EYA4: variants seen among roughly 807,000 people sequenced by gnomAD.
EYA4 encodes EYA transcriptional coactivator and phosphatase 4, also known as protein phosphatase EYA4.
EYA4 carries 31 observed loss-of-function variants against 87.9 expected under a neutral mutation model. The observed-to-expected ratio is 0.35, with a 90% CI of 0.27 to 0.48. The LOEUF is 0.48. EYA4 is among the 20% of genes least tolerant of loss of function. EYA4 has a pLI of 0.99. For synonymous variants in EYA4, 263 were observed against 270.6 expected (o/e 0.97, Z 0.28); for missense variants, 678 against 761.4 (o/e 0.89, Z 1.29).
At chr6:133,476,735 C>T (rs1402235436) in intron 11 of EYA4, among the ~76,000 whole-genome samples, 7 of 152,068 alleles carry the variant, frequency 4.6e-5, no homozygotes, top group Non-Finnish European at 1.0e-4. Context: ...ATCTCTTCAA[C>T]ATACTGATTT....
intron 10 of EYA4, among the ~76,000 whole-genome samples, 193 bp downstream of exon 10, chr6:133,465,051 T>A (rs2128665606): frequency 6.6e-6 from 1 of 152,276 alleles, no homozygotes; most frequent in South Asian, 2.1e-4. Context: ...CTATTTTAGA[T>A]TTTTTGATTG....
chr6:133,269,987 A>G (rs1190187310), intron 1 of EYA4, among the ~76,000 whole-genome samples: 2 of 152,170 alleles, frequency 1.3e-5, no homozygotes, highest in Admixed American at 6.5e-5. Context: ...GGAGAAAGAT[A>G]TAGGCTGGGA....
At chr6:133,294,023 T>TTTTATATATATATA (rs1436598260) in intron 2 of EYA4, among the ~76,000 whole-genome samples, 1 of 78,780 alleles carries the variant, frequency 1.3e-5, no homozygotes, top group African/African-American at 5.2e-5. Context: ...TAGGGTGATT[T>TTTTATATATATATA]TATATATATA....
chr6:133,374,655 A>G (rs1785535847), intron 2 of EYA4, among the ~76,000 whole-genome samples: 1 of 151,972 alleles, frequency 6.6e-6, no homozygotes. Context: ...TTCATAGTCA[A>G]TAAATGGTGA....
At chr6:133,382,018 A>T (rs1331043717) in intron 2 of EYA4, among the ~76,000 whole-genome samples, 1 of 152,126 alleles carries the variant, frequency 6.6e-6, no homozygotes, top group Non-Finnish European at 1.5e-5. Context: ...GGTGTTTATT[A>T]TTATGTGCTT....
chr6:133,250,540 G>A (rs1305167299), intron 1 of EYA4, among the ~76,000 whole-genome samples: 3 of 152,116 alleles, frequency 2.0e-5, no homozygotes, highest in African/African-American at 7.2e-5. Context: ...TACTCGGGAG[G>A]CTGAGGCAGG....
chr6:133,358,409 G>GT (rs908638415), intron 2 of EYA4, among the ~76,000 whole-genome samples: 1 of 152,130 alleles, frequency 6.6e-6, no homozygotes, highest in Non-Finnish European at 1.5e-5. Context: ...AAATTAATAA[G>GT]TTAATTTTAA....
At position 133,473,010 on chromosome 6, in the gene EYA4, A is replaced by G. The variant is rs527921670; in HGVS notation, c.970+4279A>G. 2.0e-3 allele frequency among the ~76,000 whole-genome samples: 304 copies of G among 152,214 alleles called. 5 individuals carry two copies. Among genetic ancestry groups the G allele is most frequent in the South Asian group, 0.017 (80 of 4,826 alleles). ...GACTTGGAGAAAATATTTATAATAC[A>G]CATACTGATACAGGAATTATATAAA... On this transcript the variant is annotated intron_variant, in intron 11 of 19. Coordinates refer to ENST00000355286, the MANE Select transcript of EYA4 (RefSeq NM_004100.5).
intron 1 of EYA4, chr6:133,248,563 G>T (rs1017305331): frequency 2.6e-4 from 40 of 152,202 alleles, no homozygotes; most frequent in African/African-American, 8.4e-4. Context: ...AGAACCGAAT[G>T]TTCTGATTAA....
In EYA4 at chr6:133,346,154, T is replaced by C. The variant is rs569647255; in HGVS notation, c.34-36238T>C. ...TGACTGCTTGATATGATTGAAGTGATTGGTTTATACGTTAGTCTTTTTGAG... is the reference window on the plus strand; with the variant it reads ...TGACTGCTTGATATGATTGAAGTGACTGGTTTATACGTTAGTCTTTTTGAG... On this transcript the variant is annotated intron_variant, in intron 2 of 19. Transcript: ENST00000355286. Among the ~76,000 whole-genome samples, 28 of 152,326 alleles carry C rather than the reference T, an allele frequency of 1.8e-4. No homozygotes were observed. In the South Asian group the frequency reaches 5.0e-3, roughly 27 times the overall value.
chr6:133,395,834 C>T (rs1787741536), intron 3 of EYA4, among the ~76,000 whole-genome samples: 1 of 152,158 alleles, frequency 6.6e-6, no homozygotes, highest in Non-Finnish European at 1.5e-5. Context: ...CAGCTTACCC[C>T]ATGTAGAGTC....
chr6:133,509,714 A>C (rs1162962996), intron 14 of EYA4, among the ~76,000 whole-genome samples: 1 of 152,224 alleles, frequency 6.6e-6, no homozygotes, highest in Non-Finnish European at 1.5e-5. Context: ...TAACTGATAA[A>C]TATCAGTGAC....
chr6:133,319,413 G>A (rs1780878514), intron 2 of EYA4, among the ~76,000 whole-genome samples: 1 of 151,208 alleles, frequency 6.6e-6, no homozygotes, highest in South Asian at 2.1e-4. Flanking sequence ...AGCTCTGTCA[G>A]TTTTTACTTT....
chr6:133,382,254 G>A, intron 2 of EYA4, 138 bp from the exon 3 acceptor site: 2 of 747,302 alleles, frequency 2.7e-6, no homozygotes, highest in Non-Finnish European at 5.0e-6. Flanking sequence ...ATTTAGTACT[G>A]TATGCTGCTG....
intron 5 of EYA4, among the ~76,000 whole-genome samples, chr6:133,454,923 A>G (rs982128538): frequency 6.6e-6 from 1 of 152,158 alleles, no homozygotes; most frequent in African/African-American, 2.4e-5. Flanking sequence ...AAGATCCTGC[A>G]TACTAGAGCT....
intron 2 of EYA4, among the ~76,000 whole-genome samples, chr6:133,380,856 C>T (rs1786132701): frequency 6.7e-6 from 1 of 148,750 alleles, no homozygotes; most frequent in South Asian, 2.2e-4. Context: ...CCTCCTTGTT[C>T]CTCTTCCTCC....
chr6:133,315,676 GTA>G (rs1437530612), intron 2 of EYA4, among the ~76,000 whole-genome samples: 1 of 152,136 alleles, frequency 6.6e-6, no homozygotes, highest in Non-Finnish European at 1.5e-5. Flanking sequence ...TGAAATAGAA[GTA>G]AAAATGTAAA....
intron 2 of EYA4, among the ~76,000 whole-genome samples, chr6:133,378,555 C>G (rs1225348146): frequency 1.3e-5 from 2 of 151,958 alleles, no homozygotes; most frequent in African/African-American, 4.8e-5. Context: ...AAAATGCCTT[C>G]ATAGATCTGG....
At chr6:133,345,507 A>G (rs1286922965) in intron 2 of EYA4, among the ~76,000 whole-genome samples, 1 of 152,184 alleles carries the variant, frequency 6.6e-6, no homozygotes, top group Non-Finnish European at 1.5e-5. Context: ...CCAAAGAAAT[A>G]TAAATTTTGC....
Sources: allele counts gnomAD v4.1 joint callset (sites outside exome capture counted in the v4.1 genomes callset), GRCh38; gene constraint gnomAD v4.1.1; transcripts MANE v1.5; gene names NCBI Gene and HGNC (gene_info 2026-07-23, HGNC 2026-07-21).